The following POLR3B variants were observed in gnomAD, a reference collection of about 807,000 sequenced individuals.
POLR3B encodes the protein DNA-directed RNA polymerase III subunit RPC2.
Under a neutral mutation model 147.4 loss-of-function variants are expected in POLR3B, and 96 were observed. That is an observed-to-expected ratio of 0.65 (90% CI 0.55 to 0.77). The LOEUF (loss-of-function observed/expected upper bound fraction) is 0.77. POLR3B is among the 30% of genes least tolerant of loss of function. The pLI is 0.00. For synonymous variants in POLR3B, 461 were observed against 485.9 expected, an observed-to-expected ratio of 0.95 and a Z score of 0.67; for missense variants, 1,036 against 1,413.5, an observed-to-expected ratio of 0.73 and a Z score of 4.28.
rs1339900501 is a variant in POLR3B, at chr12:106,477,408, G to A, written c.2713+13788G>A. Among the ~76,000 whole-genome samples the A allele has an allele frequency of 1.4e-4, 19 of 134,634 alleles. No homozygotes were observed. In the East Asian group the frequency reaches 1.8e-3, roughly 13 times the overall value. The allele number at this position is 134,634 out of a possible 152,430, so 88.3% of individuals were successfully genotyped here. On this transcript the variant is annotated intron_variant, in intron 23 of 27. Transcript: ENST00000228347. The stretch of plus-strand genomic sequence containing the variant: ...GGGCTCCACCCAGTTCGAGCTTCCC[G>A]GCTGCTTTGTTTACCTAAGCAAGCC...
intron 9 of POLR3B, among the ~76,000 whole-genome samples, chr12:106,391,670 G>A (rs570144855): frequency 2.6e-5 from 4 of 152,200 alleles, no homozygotes; most frequent in African/African-American, 4.8e-5. Context: ...AAACAAAGGC[G>A]AAGAGGTTGC....
intron 21 of POLR3B, 42 bp from the exon 22 acceptor site, chr12:106,459,209 C>T (rs1357675337): frequency 1.9e-6 from 2 of 1,075,698 alleles, no homozygotes; most frequent in Non-Finnish European, 2.9e-6. Flanking sequence ...GTATTCCACA[C>T]AGATGATAAC....
At chr12:106,376,629 C>CTTTTTTTTTTTTTTTTTTTTTTTTTTT (rs137973753) in intron 7 of POLR3B, among the ~76,000 whole-genome samples, 179 bp downstream of exon 7, 1 of 147,450 alleles carries the variant, frequency 6.8e-6, no homozygotes, top group African/African-American at 2.6e-5. Context: ...TTCTTTCTTT[C>CTTTTTTTTTTTTTTTTTTTTTTTTTTT]TTTTTTGAGA....
At chr12:106,454,356 A>G (rs189702681) in intron 19 of POLR3B, 146 bp from the exon 20 acceptor site, 216 of 632,172 alleles carry the variant, frequency 3.4e-4, no homozygotes, top group Non-Finnish European at 5.8e-4. Context: ...TTAAGCCACC[A>G]TGAGAGTATT....
At position 106,481,787 on chromosome 12, in the gene POLR3B, A is replaced by G. The variant is rs774553868; in HGVS notation, c.2714-14268A>G. On this transcript the variant is annotated intron_variant, in intron 23 of 27. Transcript: ENST00000228347. The stretch of plus-strand genomic sequence containing the variant: ...CTAGAAATCTGTTTATTATTTGTGA[A>G]TATTCAGCACAAGAATGTTTAGTGA... 5.8e-4 allele frequency among the ~76,000 whole-genome samples: 88 copies of G among 152,222 alleles called. 1 individual carries two copies. Among genetic ancestry groups the G allele is most frequent in the African/African-American group, 2.0e-3 (83 of 41,452 alleles).
intron 23 of POLR3B, among the ~76,000 whole-genome samples, chr12:106,468,586 A>G (rs183688005): frequency 8.5e-5 from 13 of 152,222 alleles, no homozygotes; most frequent in East Asian, 1.9e-4. Flanking sequence ...ATTTAGTGCT[A>G]TAAATTTCCC....
chr12:106,473,023 C>G (rs972927905), intron 23 of POLR3B, among the ~76,000 whole-genome samples: 1 of 90,182 alleles, frequency 1.1e-5, no homozygotes, highest in Non-Finnish European at 2.0e-5. Context: ...TTTAATCCAT[C>G]TTGAATTGAT....
At chr12:106,378,453 C>A in intron 8 of POLR3B, 69 bp downstream of exon 8, 1 of 923,458 alleles carries the variant, frequency 1.1e-6, no homozygotes, top group Non-Finnish European at 1.8e-6. Context: ...GGCTATGTTT[C>A]AATACAGAGG....
intron 23 of POLR3B, among the ~76,000 whole-genome samples, chr12:106,478,553 G>A (rs2038215644): frequency 6.6e-6 from 1 of 151,642 alleles, no homozygotes; most frequent in Non-Finnish European, 1.5e-5. Flanking sequence ...AAAACCTTCT[G>A]ATTAGCCTAG....
intron 23 of POLR3B, among the ~76,000 whole-genome samples, chr12:106,492,019 C>T (rs989805331): frequency 1.3e-5 from 2 of 152,158 alleles, no homozygotes; most frequent in Admixed American, 6.5e-5. Flanking sequence ...AGTCAGGTCT[C>T]AACACACTGA....
intron 11 of POLR3B, 67 bp downstream of exon 11, chr12:106,406,043 A>G: frequency 6.5e-7 from 1 of 1,550,366 alleles, no homozygotes. Flanking sequence ...GAGAACTGTG[A>G]TAAGAGTTTA....
At chr12:106,496,997 C>T in intron 25 of POLR3B, 79 bp downstream of exon 25, 1 of 1,368,116 alleles carries the variant, frequency 7.3e-7, no homozygotes, top group Non-Finnish European at 1.0e-6. Context: ...AAGGTATACT[C>T]TATTAAGTAT....
At position 106,504,519 on chromosome 12, in the gene POLR3B, C is replaced by A. The variant is rs1410621966; in HGVS notation, c.3272+265C>A. On this transcript the variant is annotated intron_variant, in intron 27 of 27. Coordinates refer to ENST00000228347, the MANE Select transcript of POLR3B (RefSeq NM_018082.6). This position sits in a 1 kb window ranked among gnomAD's most constrained non-coding sequence, Gnocchi z 4.6. ...CTCCTTTTAAATATTCTCTCAGGTA[C>A]TTTTTATAACACTATTTGCCTGTGA... 6.6e-6 allele frequency among the ~76,000 whole-genome samples: 1 copy of A among 152,162 alleles called. No individual in the cohort carries two copies. Among genetic ancestry groups the A allele is most frequent in the Non-Finnish European group, 1.5e-5 (1 of 68,036 alleles).
At position 106,463,649 on chromosome 12, in the gene POLR3B, A is replaced by G. The variant is rs770557911; in HGVS notation, c.2713+29A>G. ...AACTGTATCATTTCTCAACTTGATT[A>G]TAAAACAATATATGAATGTATTTGT... On this transcript the variant is annotated intron_variant, in intron 23 of 27. Transcript: ENST00000228347. 5 of 1,577,830 alleles carry G rather than the reference A, an allele frequency of 3.2e-6. No individual in the cohort carries two copies. In the South Asian group the frequency reaches 5.5e-5, roughly 18 times the overall value.
At chr12:106,467,330 T>C (rs948007181) in intron 23 of POLR3B, among the ~76,000 whole-genome samples, 9 of 152,212 alleles carry the variant, frequency 5.9e-5, no homozygotes, top group African/African-American at 2.2e-4. Flanking sequence ...TGAAGTTGCT[T>C]ATCAGCTTAA....
chr12:106,448,786 CT>C (rs951728513), intron 19 of POLR3B, among the ~76,000 whole-genome samples: 6 of 151,662 alleles, frequency 4.0e-5, no homozygotes, highest in African/African-American at 7.3e-5. Flanking sequence ...ATAATACATA[CT>C]TTTTTTTGTT....
At chr12:106,433,181 C>A (rs1006673973) in intron 15 of POLR3B, among the ~76,000 whole-genome samples, 17 of 152,170 alleles carry the variant, frequency 1.1e-4, no homozygotes, top group Admixed American at 3.3e-4. Flanking sequence ...TAACTGACTG[C>A]CTAGTTCATT....
chr12:106,403,826 G>A (rs1036045017), intron 10 of POLR3B, among the ~76,000 whole-genome samples: 1 of 104,042 alleles, frequency 9.6e-6, no homozygotes, highest in African/African-American at 3.7e-5. Context: ...GGGGGGAGGG[G>A]GGAGGGATAG....
intron 19 of POLR3B, among the ~76,000 whole-genome samples, chr12:106,447,261 C>G (rs2037736393): frequency 2.0e-5 from 3 of 152,064 alleles, no homozygotes; most frequent in Admixed American, 1.3e-4. Context: ...TCCCACTCCC[C>G]CTACAAGAGA....
Sources: allele counts gnomAD v4.1 joint callset (sites outside exome capture counted in the v4.1 genomes callset), GRCh38; gene constraint gnomAD v4.1.1; non-coding constraint Gnocchi (gnomAD v3.1); transcripts MANE v1.5; gene names NCBI Gene and HGNC (gene_info 2026-07-23, HGNC 2026-07-21).